NLE1: variants seen among roughly 807,000 people sequenced by gnomAD.
NLE1 encodes the protein notchless protein homolog 1.
NLE1 carries 37 observed loss-of-function variants against 62.8 expected under a neutral mutation model. The observed-to-expected ratio is 0.59, with a 90% CI of 0.45 to 0.78. NLE1 has a LOEUF of 0.78. Among genes scored for constraint, NLE1 ranks in the 30% least tolerant of loss-of-function variants. The pLI is 0.00. For synonymous variants in NLE1, 243 were observed against 253.0 expected (o/e 0.96, Z 0.37); for missense variants, 555 against 637.9 (o/e 0.87, Z 1.40).
In NLE1 at chr17:35,130,267, CTT is replaced by C. The variant is rs1245604220; in HGVS notation, c.*2168_*2169del. ...CTGGGAAGGAACTCTGAAGGGTTTT[CTT>C]GTTTCACTTCAGTTTGCAACCCTGG... On this transcript the variant is annotated 3_prime_UTR_variant, in exon 13 of 13. Transcript: ENST00000442241. 6.2e-7 allele frequency: 1 copy of C among 1,612,360 alleles called. No homozygotes were observed. Among genetic ancestry groups the C allele is most frequent in the African/African-American group, 1.3e-5 (1 of 74,842 alleles).
intron 2 of NLE1, among the ~76,000 whole-genome samples, chr17:35,140,886 G>A (rs1166510759): frequency 1.3e-5 from 2 of 152,144 alleles, no homozygotes; most frequent in Non-Finnish European, 2.9e-5. Flanking sequence ...CACTGCACCC[G>A]GCCTGAAATT....
rs546214882 is a variant in NLE1, at chr17:35,133,170, C to T, written c.1445+1G>A. ...CCAACCACCACTTCCCCCACACTCA[C>T]ATCCGGAGGCATTTGTCCTTCCCAC... On this transcript the variant is annotated splice_donor_variant, in intron 12 of 12. Coordinates refer to ENST00000442241, the MANE Select transcript of NLE1 (RefSeq NM_018096.5). LOFTEE classifies it high-confidence loss of function. 6.2e-7 allele frequency: 1 copy of T among 1,614,130 alleles called. No individual in the cohort carries two copies. Among genetic ancestry groups the T allele is most frequent in the Non-Finnish European group, 8.5e-7 (1 of 1,179,934 alleles).
intron 2 of NLE1, among the ~76,000 whole-genome samples, chr17:35,141,757 G>T (rs557953838): frequency 6.6e-6 from 1 of 152,254 alleles, no homozygotes; most frequent in Admixed American, 6.5e-5. Flanking sequence ...ACAGCATCCG[G>T]TGCGTTCAAA....
At chr17:35,136,335 C>T in intron 8 of NLE1, 27 bp downstream of exon 8, 3 of 1,610,356 alleles carry the variant, frequency 1.9e-6, no homozygotes, top group Non-Finnish European at 2.5e-6. Context: ...CAATCAGCCC[C>T]CGCTCTTCCT....
intron 2 of NLE1, among the ~76,000 whole-genome samples, chr17:35,140,801 G>A (rs546433494): frequency 3.9e-5 from 6 of 152,080 alleles, no homozygotes; most frequent in Non-Finnish European, 7.4e-5. Context: ...TATTGGCTAA[G>A]CTGGTCTCGA....
Position 35,130,052 on chromosome 17 carries a change from G to A in NLE1, c.*2385C>T, listed in dbSNP as rs1277296638. On this transcript the variant is annotated 3_prime_UTR_variant, in exon 13 of 13. Transcript: ENST00000442241. ...CTGGGTATGGGGTAGGGGTATGGGG[G>A]TATAGAGGCCTGAGTACAGACAGCC... 1 of 1,406,996 alleles carries A rather than the reference G, an allele frequency of 7.1e-7. No homozygotes were observed. The highest frequency in any genetic ancestry group is 1.4e-5 in the African/African-American group (1 of 69,198). The allele number at this position is 1,406,996 out of a possible 1,614,324, so 87.2% of individuals were successfully genotyped here. A position where few individuals can be genotyped will look rare whatever the true frequency, so the allele number is the denominator to read the frequency against.
intron 10 of NLE1, 62 bp downstream of exon 10, chr17:35,135,187 G>T: frequency 1.3e-6 from 2 of 1,500,898 alleles, no homozygotes; most frequent in Non-Finnish European, 1.9e-6. Context: ...CTAGTAAGTG[G>T]CAGTGCCAAG....
In NLE1 at chr17:35,132,433, C is replaced by A; in HGVS notation, c.*4G>T. ...GTGGGGGTCAGAGAGAACTTCGGGC[C>A]GTCTCATCTCCTCCATCTGTGGAGA... is the stretch of plus-strand genomic sequence containing the variant. On this transcript the variant is annotated 3_prime_UTR_variant, in exon 13 of 13. Coordinates refer to ENST00000442241, the MANE Select transcript of NLE1 (RefSeq NM_018096.5). The A allele has an allele frequency of 2.1e-6, 3 of 1,429,818 alleles. No homozygotes were observed. The highest frequency in any genetic ancestry group is 2.8e-6 in the Non-Finnish European group (3 of 1,089,198). 88.6% of individuals were successfully genotyped at this position (1,429,818 alleles called of 1,614,324 possible).
In NLE1 at chr17:35,142,012, C is replaced by G; in HGVS notation, c.129G>C (p.Arg43Ser). 1.2e-6 allele frequency: 2 copies of G among 1,603,508 alleles called. No homozygotes were observed. The highest frequency in any genetic ancestry group is 4.5e-5 in the East Asian group (2 of 44,464). ...GTAGCGCGTTGCACACGAGCTGCAG[C>G]CTGTCCGGGGTGATGTCCACGGGCA... ...FDVPVDITPD[R>S]LQLVCNALLA... is the part of the protein sequence containing the mutation. Residue 43 changes from arginine to serine, a missense_variant, in exon 2 of 13, where the codon AGG becomes AGC. Coordinates refer to ENST00000442241, the MANE Select transcript of NLE1 (RefSeq NM_018096.5).
chr17:35,130,206 G>A lies in NLE1; in HGVS notation c.*2231C>T. 6.5e-7 allele frequency: 1 copy of A among 1,544,766 alleles called. No individual in the cohort carries two copies. The highest frequency in any genetic ancestry group is 8.7e-7 in the Non-Finnish European group (1 of 1,148,188). ...TCTGAGTCAGCAGACAGAAAAAAAA[G>A]GGGTGATAGAGACAGAGAGAGAGCC... On this transcript the variant is annotated 3_prime_UTR_variant, in exon 13 of 13. Transcript: ENST00000442241.
At chr17:35,133,647 C>G in intron 10 of NLE1, 149 bp from the exon 11 acceptor site, 1 of 712,778 alleles carries the variant, frequency 1.4e-6, no homozygotes, top group Non-Finnish European at 2.3e-6. Flanking sequence ...ACTGCCTGGT[C>G]CCCATCCCAG....
Position 35,137,185 on chromosome 17 carries a change from T to G in NLE1, c.644A>C (p.Glu215Ala). The change falls in exon 7 of 13, where the codon GAG (glutamate) becomes GCG (alanine). Residue 215 changes from glutamate (E) to alanine (A), a missense_variant. Physicochemically the swap from Glu to Ala is moderately radical, Grantham distance 107. Transcript: ENST00000442241. ...LSWEPLHANPECRYVASSSKD... is the reference protein window; with the variant it reads ...LSWEPLHANPACRYVASSSKD... ...GGAGCTGCTGGCCACATAGCGGCAC[T>G]CAGGGTTCCTGGAGAGAAGGGAGAT... The G allele has an allele frequency of 1.2e-6, 2 of 1,607,308 alleles. No individual in the cohort carries two copies. Among genetic ancestry groups the G allele is most frequent in the Non-Finnish European group, 1.7e-6 (2 of 1,174,802 alleles).
chr17:35,133,094 G>GTA, intron 12 of NLE1, 77 bp downstream of exon 12: 1 of 1,381,140 alleles, frequency 7.2e-7, no homozygotes, highest in Non-Finnish European at 1.0e-6. Context: ...ATTCTATGCT[G>GTA]TAAGGGAAAG....
rs2091933549 is a variant in NLE1, at chr17:35,140,076, A to C, written c.163-10T>G. The C allele has an allele frequency of 6.2e-7, 1 of 1,611,996 alleles. No individual in the cohort carries two copies. The highest frequency in any genetic ancestry group is 8.5e-7 in the Non-Finnish European group (1 of 1,179,632). On this transcript the variant is annotated splice_polypyrimidine_tract_variant and intron_variant, in intron 2 of 12. Transcript: ENST00000442241. ...GTGGCAGGGGATCCTCCTGAAGGACAATGGTAAAGGACAAACCCGCAACAA... is the reference window on the plus strand; with the variant it reads ...GTGGCAGGGGATCCTCCTGAAGGACCATGGTAAAGGACAAACCCGCAACAA...
Position 35,129,340 on chromosome 17 carries a change from G to A in NLE1, c.*3097C>T, listed in dbSNP as rs3736144. On this transcript the variant is annotated 3_prime_UTR_variant, in exon 13 of 13. Transcript: ENST00000442241. ...CAGGAGCAGGGGATGGGCATGGGAC[G>A]TCCTGACCCCAGTTGGGAGGGTGAA... 21 of 1,546,066 alleles carry A rather than the reference G, an allele frequency of 1.4e-5. No homozygotes were observed. The East Asian group carries it at 2.9e-4, about 22-fold the overall frequency.
At position 35,129,248 on chromosome 17, in the gene NLE1, G is replaced by C; in HGVS notation, c.*3189C>G. 3.9e-6 allele frequency: 3 copies of C among 776,796 alleles called. No homozygotes were observed. The highest frequency in any genetic ancestry group is 6.3e-6 in the Non-Finnish European group (3 of 477,508). 48.1% of individuals were successfully genotyped at this position (776,796 alleles called of 1,614,324 possible). Reference sequence around the variant, plus strand: ...TGCCCAGGAGAGTAGTACATGCTTCGGGGCAGGGGTTCCACACTCAGTGCT... The same window carrying C: ...TGCCCAGGAGAGTAGTACATGCTTCCGGGCAGGGGTTCCACACTCAGTGCT... On this transcript the variant is annotated 3_prime_UTR_variant, in exon 13 of 13. Transcript: ENST00000442241.
intron 12 of NLE1, among the ~76,000 whole-genome samples, chr17:35,132,652 G>GC (rs779513184): frequency 2.6e-5 from 4 of 152,114 alleles, no homozygotes; most frequent in Non-Finnish European, 5.9e-5. Context: ...CCAGGGCCTG[G>GC]CCCTCGGGAT....
In NLE1 at chr17:35,136,362, A is replaced by G. The variant is rs1157684916; in HGVS notation, c.964T>C (p.Leu322=). The G allele has an allele frequency of 2.5e-6, 4 of 1,612,738 alleles. No homozygotes were observed. Among genetic ancestry groups the G allele is most frequent in the Non-Finnish European group, 3.4e-6 (4 of 1,178,918 alleles). Residue 322 remains leucine, a splice_region_variant and synonymous_variant, in exon 8 of 13, where the codon TTG becomes CTG. Transcript: ENST00000442241. ...GCTCTTCCTTCTCCCAATCACTCAC[A>G]GGATCCTTGGAGGTCTTGGGGATTA... ...SVNPQDLQGS[L]QELKERALSR... is the part of the protein sequence containing the mutation.
chr17:35,136,331 G>GC, intron 8 of NLE1, 31 bp downstream of exon 8: 1 of 1,608,832 alleles, frequency 6.2e-7, no homozygotes, highest in East Asian at 2.2e-5. Context: ...TTCCCAATCA[G>GC]CCCCCGCTCT....
Sources: gnomAD v4.1 joint callset for allele counts (sites outside exome capture counted in the v4.1 genomes callset) on GRCh38, gnomAD v4.1.1 for gene constraint, MANE v1.5 for transcripts, NCBI Gene and HGNC (gene_info 2026-07-23, HGNC 2026-07-21) for gene names.